The following PTPRD variants were observed in gnomAD, a reference collection of about 807,000 sequenced individuals.
PTPRD encodes the protein protein tyrosine phosphatase receptor type D.
Under a neutral mutation model 214.5 loss-of-function variants are expected in PTPRD, and 34 were observed. That is an observed-to-expected ratio of 0.16 (90% CI 0.12 to 0.21). The LOEUF (loss-of-function observed/expected upper bound fraction) is 0.21, where lower values mean the gene tolerates loss of function less well. PTPRD is among the 10% of genes least tolerant of loss of function. The pLI, the probability that PTPRD is intolerant of heterozygous loss-of-function variation, is 1.00. For missense variants in PTPRD, 2,545 were observed against 2,398.7 expected (o/e 1.06, Z -1.27); for synonymous variants, 1,128 against 845.7 (o/e 1.33, Z -5.79).
At chr9:10,537,329 C>T (rs1449345821) in intron 2 of PTPRD, among the ~76,000 whole-genome samples, 2 of 152,154 alleles carry the variant, frequency 1.3e-5, no homozygotes, top group East Asian at 1.9e-4. Flanking sequence ...ATTCCAAATT[C>T]TGTTAATGAG....
intron 3 of PTPRD, among the ~76,000 whole-genome samples, chr9:10,322,053 G>A (rs561892208): frequency 1.3e-5 from 2 of 152,080 alleles, no homozygotes; most frequent in South Asian, 4.1e-4. Context: ...TCAAAAGACG[G>A]AGTGAGGAAA....
intron 3 of PTPRD, among the ~76,000 whole-genome samples, chr9:10,070,675 T>C (rs2097989868): frequency 6.6e-6 from 1 of 152,016 alleles, no homozygotes; most frequent in Non-Finnish European, 1.5e-5. Flanking sequence ...AAAAAATATT[T>C]TGCTTAGGAT....
At chr9:10,198,623 T>A (rs2099407389) in intron 3 of PTPRD, among the ~76,000 whole-genome samples, 1 of 152,048 alleles carries the variant, frequency 6.6e-6, no homozygotes, top group African/African-American at 2.4e-5. Flanking sequence ...AAGGATAAAA[T>A]GAAATTTCAT....
chr9:9,782,681 A>G lies in PTPRD; in HGVS notation c.-367-15830T>C, dbSNP rs558784474. Among the ~76,000 whole-genome samples, 5 of 152,314 alleles carry G rather than the reference A, an allele frequency of 3.3e-5. No homozygotes were observed. The South Asian group carries it at 1.0e-3, about 32-fold the overall frequency. On this transcript the variant is annotated intron_variant, in intron 5 of 45. Transcript: ENST00000381196. ...CTCTGAGTTATTTATGTGGAAGACA[A>G]AAGAAGGAAACAAAAGGTTATGTGG...
intron 12 of PTPRD, among the ~76,000 whole-genome samples, chr9:8,648,942 T>C (rs1423085611): frequency 1.3e-5 from 2 of 152,222 alleles, no homozygotes; most frequent in East Asian, 1.9e-4. Flanking sequence ...CTGATCATCA[T>C]TAAAAATAAT....
chr9:10,301,890 G>C (rs1351770744), intron 3 of PTPRD, among the ~76,000 whole-genome samples: 3 of 152,108 alleles, frequency 2.0e-5, no homozygotes, highest in Non-Finnish European at 2.9e-5. Flanking sequence ...AGCAAGACAG[G>C]CCAACATTCA....
Position 8,353,988 on chromosome 9 carries a change from C to G in PTPRD, c.4662-12010G>C, listed in dbSNP as rs1213088405. 1.2e-4 allele frequency among the ~76,000 whole-genome samples: 15 copies of G among 125,592 alleles called. No individual in the cohort carries two copies. In the Admixed American group the frequency reaches 1.2e-3, roughly 10 times the overall value. 82.4% of individuals were successfully genotyped at this position (125,592 alleles called of 152,430 possible). ...TGTTTTTTTTTTTTTGAGAAGGAGT[C>G]TCACTCTGTTGCCAGGCTGGAGTGC... is the stretch of plus-strand genomic sequence containing the variant. On this transcript the variant is annotated intron_variant, in intron 39 of 45. Coordinates refer to ENST00000381196, the MANE Select transcript of PTPRD (RefSeq NM_002839.4).
intron 3 of PTPRD, among the ~76,000 whole-genome samples, chr9:10,081,144 G>A (rs1044945345): frequency 6.6e-6 from 1 of 151,800 alleles, no homozygotes; most frequent in Non-Finnish European, 1.5e-5. Context: ...CATGCTTCTA[G>A]ATAATTCTTT....
chr9:10,307,707 A>G (rs1019842265), intron 3 of PTPRD, among the ~76,000 whole-genome samples: 10 of 151,930 alleles, frequency 6.6e-5, no homozygotes, highest in Non-Finnish European at 2.9e-5. Context: ...TGGATGTAAA[A>G]GATACATCCT....
rs192041889 is a variant in PTPRD, at chr9:8,790,110, G to T, written c.-103-56164C>A. ...TCACTCACGGCAGCCTCAAACTCTT[G>T]GGCTCAAGCAATCCTCCCGCCTTGG... On this transcript the variant is annotated intron_variant, in intron 11 of 45. Coordinates refer to ENST00000381196, the MANE Select transcript of PTPRD (RefSeq NM_002839.4). 8.6e-5 allele frequency among the ~76,000 whole-genome samples: 13 copies of T among 151,994 alleles called. No individual in the cohort carries two copies. In the East Asian group the frequency reaches 2.5e-3, roughly 30 times the overall value.
intron 4 of PTPRD, among the ~76,000 whole-genome samples, chr9:9,952,060 C>T (rs1320486077): frequency 6.6e-6 from 1 of 152,120 alleles, no homozygotes; most frequent in Non-Finnish European, 1.5e-5. Flanking sequence ...TGAGGAGGGA[C>T]AGAGGCTGAG....
chr9:9,673,123 G>T (rs2096862054), intron 7 of PTPRD, among the ~76,000 whole-genome samples: 1 of 151,882 alleles, frequency 6.6e-6, no homozygotes, highest in South Asian at 2.1e-4. Context: ...GTTAATTCTA[G>T]GGAATTGTGC....
chr9:8,561,143 T>G (rs1021491294), intron 14 of PTPRD, among the ~76,000 whole-genome samples: 17 of 152,284 alleles, frequency 1.1e-4, no homozygotes, highest in Middle Eastern at 3.4e-3. Flanking sequence ...CCACCCTTCA[T>G]GTATTTTACT....
At chr9:9,278,129 T>A (rs186000110) in intron 9 of PTPRD, among the ~76,000 whole-genome samples, 56 of 151,406 alleles carry the variant, frequency 3.7e-4, no homozygotes, top group African/African-American at 1.3e-3. Context: ...TTTATTCAAA[T>A]AAAAAATAAT....
chr9:8,339,123 A>C lies in PTPRD; in HGVS notation c.5254-76T>G, dbSNP rs1849842782. 10 of 1,360,646 alleles carry C rather than the reference A, an allele frequency of 7.3e-6. No individual in the cohort carries two copies. The South Asian group carries it at 1.2e-4, about 16-fold the overall frequency. 84.3% of individuals were successfully genotyped at this position (1,360,646 alleles called of 1,614,324 possible). Reference sequence around the variant, plus strand: ...CTGTATATTATCTATCTATCTATCTAATCTATCTAATTTCCTTATCCCATT... The same window carrying C: ...CTGTATATTATCTATCTATCTATCTCATCTATCTAATTTCCTTATCCCATT... On this transcript the variant is annotated intron_variant, in intron 42 of 45. Transcript: ENST00000381196.
chr9:8,471,671 G>A (rs1187734247), intron 30 of PTPRD, among the ~76,000 whole-genome samples: 4 of 152,036 alleles, frequency 2.6e-5, no homozygotes, highest in South Asian at 2.1e-4. Context: ...GGTAAGTACC[G>A]CAGAAAATTG....
chr9:9,178,032 G>A (rs1465907764), intron 10 of PTPRD, among the ~76,000 whole-genome samples: 1 of 152,052 alleles, frequency 6.6e-6, no homozygotes, highest in Non-Finnish European at 1.5e-5. Flanking sequence ...GAATGGTGAA[G>A]GAACTACAGA....
At chr9:9,170,066 G>A (rs2099911580) in intron 10 of PTPRD, among the ~76,000 whole-genome samples, 1 of 152,104 alleles carries the variant, frequency 6.6e-6, no homozygotes, top group African/African-American at 2.4e-5. Context: ...AGCCCATAAA[G>A]TTTTCCTGAA....
intron 14 of PTPRD, among the ~76,000 whole-genome samples, chr9:8,541,275 G>A (rs939221513): frequency 6.6e-6 from 1 of 152,070 alleles, no homozygotes; most frequent in African/African-American, 2.4e-5. Context: ...TGTCACCCAG[G>A]CTGGACTGCA....
Sources: allele counts gnomAD v4.1 joint callset (sites outside exome capture counted in the v4.1 genomes callset), GRCh38; gene constraint gnomAD v4.1.1; transcripts MANE v1.5; gene names NCBI Gene and HGNC (gene_info 2026-07-23, HGNC 2026-07-21).